Variants in ZNF320 observed in about 807,000 individuals in gnomAD.
ZNF320 encodes the protein zinc finger gene 320.
Under a neutral mutation model 6.8 loss-of-function variants are expected in ZNF320, and 2 were observed. The ratio of observed to expected loss-of-function variants is 0.29; its 90% CI spans 0.12 to 0.93. The LOEUF is 0.93. Among genes scored for constraint, ZNF320 ranks in the 40% least tolerant of loss-of-function variants. ZNF320 has a pLI of 0.55. For missense variants in ZNF320, 472 were observed against 611.0 expected, an observed-to-expected ratio of 0.77 and a Z score of 2.40; for synonymous variants, 208 against 203.2, an observed-to-expected ratio of 1.02 and a Z score of -0.20.
intron 5 of ZNF320, among the ~76,000 whole-genome samples, chr19:52,883,935 A>G (rs759195958): frequency 2.0e-5 from 3 of 152,156 alleles, no homozygotes; most frequent in Non-Finnish European, 2.9e-5. Flanking sequence ...TACTTCTCAT[A>G]TAAGCTTTGG....
chr19:52,877,665 C>A lies in ZNF320; in HGVS notation c.*2931G>T, dbSNP rs550152266. The A allele has an allele frequency of 3.9e-5, 6 of 152,308 alleles. No homozygotes were observed. The East Asian group carries it at 1.2e-3, about 29-fold the overall frequency. The allele number at this position is 152,308 out of a possible 1,614,324, so 9.4% of individuals were successfully genotyped here. ...CTTTTTAAAAAATCTTTGTAACTAT[C>A]TTGTTTAGGAATAAAATGGAAGGCA... On this transcript the variant is annotated 3_prime_UTR_variant, in exon 6 of 6. Coordinates refer to ENST00000682928, the MANE Select transcript of ZNF320 (RefSeq NM_001351774.2).
At chr19:52,874,107 G>C (rs1568701150), downstream of ZNF320, 1 of 316,962 alleles carries the variant, frequency 3.2e-6, no homozygotes, top group East Asian at 8.9e-5. Flanking sequence ...TTAATGTTTA[G>C]AAATCACTCC....
At chr19:52,883,311 C>T (rs911885687) in intron 5 of ZNF320, among the ~76,000 whole-genome samples, 8 of 152,106 alleles carry the variant, frequency 5.3e-5, no homozygotes, top group Admixed American at 6.5e-5. Flanking sequence ...CCACACTTCT[C>T]GGCCTCCCAA....
intron 5 of ZNF320, among the ~76,000 whole-genome samples, chr19:52,866,161 CATA>C (rs2063566730): frequency 1.1e-5 from 1 of 91,054 alleles, no homozygotes; most frequent in South Asian, 3.2e-4. Context: ...TATGATTATA[CATA>C]TATTTATATA....
In ZNF320 at chr19:52,865,412, C is replaced by T. The variant is rs558545000; in HGVS notation, c.224-1253G>A. 3.5e-5 allele frequency: 9 copies of T among 259,052 alleles called. No individual in the cohort carries two copies. The East Asian group carries it at 5.0e-4, about 14-fold the overall frequency. 16.0% of individuals were successfully genotyped at this position (259,052 alleles called of 1,614,324 possible). A position where few individuals can be genotyped will look rare whatever the true frequency, so the allele number is the denominator to read the frequency against. ...TCCCAAATCACGGCCCTGTATAAAG[C>T]GTTCTGTGCAGGGTCCAGGCTTTAT... On this transcript the variant is annotated intron_variant, in intron 5 of 5. Transcript: ENST00000673631.
Position 52,890,132 on chromosome 19 carries a change from G to A in ZNF320, c.15+109C>T, listed in dbSNP as rs2064239537. On this transcript the variant is annotated intron_variant, in intron 4 of 5. Transcript: ENST00000682928. The stretch of plus-strand genomic sequence containing the variant: ...TGAGGGAAGGCATGGGTGATTGTGA[G>A]CAAACCTGTCAGGCAGGATGCTTCA... 6 of 1,505,134 alleles carry A rather than the reference G, an allele frequency of 4.0e-6. No individual in the cohort carries two copies. In the East Asian group the frequency reaches 9.0e-5, roughly 23 times the overall value. 93.2% of individuals were successfully genotyped at this position (1,505,134 alleles called of 1,614,324 possible).
At chr19:52,898,808 G>C (rs921846359), upstream of ZNF320, among the ~76,000 whole-genome samples, 1 of 152,204 alleles carries the variant, frequency 6.6e-6, no homozygotes, top group South Asian at 2.1e-4. Flanking sequence ...ACAATGTCTG[G>C]AATCTATGAA....
intron 5 of ZNF320, among the ~76,000 whole-genome samples, chr19:52,885,633 T>A (rs1254642858): frequency 6.6e-6 from 1 of 152,116 alleles, no homozygotes; most frequent in East Asian, 1.9e-4. Flanking sequence ...GGAGAACTGC[T>A]TGAACCTGGG....
rs8111043 is a variant in ZNF320, at chr19:52,888,867, A to G, written c.16-614T>C. On this transcript the variant is annotated intron_variant, in intron 4 of 5. Transcript: ENST00000682928. The stretch of plus-strand genomic sequence containing the variant: ...TGTGTGGGGATGTGTATGCATATAC[A>G]TATATAGGTTTTACAAATATAAAAA... Among the ~76,000 whole-genome samples, 926 of 152,276 alleles carry G rather than the reference A, an allele frequency of 6.1e-3. 9 individuals carry two copies. The highest frequency in any genetic ancestry group is 0.021 in the African/African-American group (879 of 41,558).
chr19:52,866,049 TATG>T (rs1344604301), intron 5 of ZNF320, among the ~76,000 whole-genome samples: 4 of 119,788 alleles, frequency 3.3e-5, no homozygotes, highest in East Asian at 4.6e-4. Context: ...TATACATATA[TATG>T]ATTATACATA....
chr19:52,874,015 C>T, downstream of ZNF320: 1 of 464,582 alleles, frequency 2.2e-6, no homozygotes, highest in Non-Finnish European at 4.3e-6. Context: ...ATCCCTGGCT[C>T]CTTTTCTTTG....
intron 3 of ZNF320, 105 bp from the exon 4 acceptor site, chr19:52,890,433 C>T: frequency 1.1e-6 from 1 of 934,550 alleles, no homozygotes; most frequent in Non-Finnish European, 1.5e-6. Context: ...ATATGGTCCC[C>T]TCTGCTGCCC....
chr19:52,866,009 TTATATATTATACATATTTA>T (rs1467134681), intron 5 of ZNF320, among the ~76,000 whole-genome samples: 7,852 of 91,540 alleles, frequency 0.086, 1,679 homozygotes, highest in Non-Finnish European at 0.1. Context: ...ACATATATAT[TTATATATTATACATATTTA>T]TATATATGAT....
intron 3 of ZNF320, 195 bp from the exon 4 acceptor site, chr19:52,890,523 G>C: frequency 2.1e-6 from 1 of 480,790 alleles, no homozygotes; most frequent in Non-Finnish European, 3.6e-6. Context: ...CTGCAGCAGT[G>C]GGGAGCTGGG....
In ZNF320 at chr19:52,869,784, C is replaced by T. The variant is rs371103669; in HGVS notation, c.223+4208G>A. Among the ~76,000 whole-genome samples the T allele has an allele frequency of 6.6e-5, 10 of 152,082 alleles. No individual in the cohort carries two copies. The East Asian group carries it at 9.7e-4, about 15-fold the overall frequency. ...AGGCTGGAATGCAATGGTGCGATCT[C>T]GGCACACTGCAACTTCCGTCTAATG... On this transcript the variant is annotated intron_variant, in intron 5 of 5. Coordinates refer to the ZNF320 transcript ENST00000673631.
At chr19:52,896,577 C>T (rs536503882) in intron 1 of ZNF320, among the ~76,000 whole-genome samples, 2 of 152,078 alleles carry the variant, frequency 1.3e-5, no homozygotes, top group South Asian at 2.1e-4. Context: ...GGTGTGGTGG[C>T]GCGCGGCTGT....
At chr19:52,887,028 G>GAAAAC (rs1334466015) in intron 5 of ZNF320, among the ~76,000 whole-genome samples, 22,604 of 145,472 alleles carry the variant, frequency 0.16, 2,259 homozygotes, top group South Asian at 0.23. Flanking sequence ...CAAAACAAAA[G>GAAAAC]AAAAGAAAAG....
At chr19:52,901,999 C>CT (rs71183853), upstream of ZNF320, among the ~76,000 whole-genome samples, 57,090 of 146,364 alleles carry the variant, frequency 0.39, 11,971 homozygotes, top group Non-Finnish European at 0.49. Context: ...ATGAGTTTTT[C>CT]TTTTTTTTTT....
At chr19:52,870,288 G>C (rs2063656394) in intron 5 of ZNF320, among the ~76,000 whole-genome samples, 1 of 151,498 alleles carries the variant, frequency 6.6e-6, no homozygotes, top group South Asian at 2.1e-4. Flanking sequence ...AGACCATCCT[G>C]GCTAACACGG....
Sources: gnomAD v4.1 joint callset for allele counts (sites outside exome capture counted in the v4.1 genomes callset) on GRCh38, gnomAD v4.1.1 for gene constraint, MANE v1.5 for transcripts, NCBI Gene and HGNC (gene_info 2026-07-23, HGNC 2026-07-21) for gene names.